The following KIAA0513 variants were observed in gnomAD, a reference collection of about 807,000 sequenced individuals.
KIAA0513 encodes KIAA0513, also known as uncharacterized protein KIAA0513.
Under a neutral mutation model 56.5 loss-of-function variants are expected in KIAA0513, and 39 were observed. The ratio of observed to expected loss-of-function variants is 0.69; its 90% CI spans 0.53 to 0.90. The LOEUF is 0.90. Ranked by LOEUF, KIAA0513 falls within the 40% of genes least tolerant of loss-of-function variation. KIAA0513 has a pLI of 0.00. For synonymous variants in KIAA0513, 268 were observed against 215.6 expected (o/e 1.24, Z -2.13); for missense variants, 591 against 535.2 (o/e 1.10, Z -1.03).
At chr16:85,086,847 A>C in intron 11 of KIAA0513, 123 bp downstream of exon 11, 4 of 960,482 alleles carry the variant, frequency 4.2e-6, no homozygotes, top group Non-Finnish European at 6.3e-6. Flanking sequence ...GGTTCATCAC[A>C]CTTGGCCTCC....
At chr16:85,039,159 T>A (rs1194192130) in intron 1 of KIAA0513, among the ~76,000 whole-genome samples, 1 of 152,178 alleles carries the variant, frequency 6.6e-6, no homozygotes, top group Non-Finnish European at 1.5e-5. Flanking sequence ...AACCCTCAAT[T>A]CTCCTGCTGC....
chr16:85,035,533 C>T (rs1465754227), intron 1 of KIAA0513, among the ~76,000 whole-genome samples: 2 of 152,200 alleles, frequency 1.3e-5, no homozygotes, highest in Non-Finnish European at 2.9e-5. Context: ...CTCAGTCGTC[C>T]AGGCTGGAGT....
At chr16:85,065,726 T>C (rs951677986) in intron 1 of KIAA0513, among the ~76,000 whole-genome samples, 11 of 152,142 alleles carry the variant, frequency 7.2e-5, no homozygotes, top group African/African-American at 2.7e-4. Flanking sequence ...GACAGGGCTG[T>C]GGTTAGAGGT....
chr16:85,081,273 G>C lies in KIAA0513; in HGVS notation c.903-42G>C, dbSNP rs201632176. 6.9e-6 allele frequency: 11 copies of C among 1,590,844 alleles called. No individual in the cohort carries two copies. Among genetic ancestry groups the C allele is most frequent in the Non-Finnish European group, 8.6e-6 (10 of 1,159,670 alleles). ...GGGGCCCACAACCCGTGTCCTCCCC[G>C]CCTCCCCTTGGAGAGAGTGTGACTG... On this transcript the variant is annotated intron_variant, in intron 8 of 12. Coordinates refer to ENST00000683363, the MANE Select transcript of KIAA0513 (RefSeq NM_001388359.1). The surrounding 1 kb of genome is among the most constrained non-coding windows in gnomAD (Gnocchi z 4.4).
intron 1 of KIAA0513, among the ~76,000 whole-genome samples, chr16:85,065,108 T>C (rs1301683674): frequency 1.3e-5 from 2 of 152,254 alleles, no homozygotes. Flanking sequence ...GTTCCTACTA[T>C]ATTTACTGTA....
At chr16:85,073,169 C>G (rs942890262) in intron 4 of KIAA0513, among the ~76,000 whole-genome samples, 171 bp downstream of exon 4, 1 of 152,188 alleles carries the variant, frequency 6.6e-6, no homozygotes, top group Non-Finnish European at 1.5e-5. Flanking sequence ...CAGTCGTGAC[C>G]TCCATCTCGC....
chr16:85,052,828 C>G (rs2073272986), intron 1 of KIAA0513, among the ~76,000 whole-genome samples: 1 of 152,154 alleles, frequency 6.6e-6, no homozygotes, highest in African/African-American at 2.4e-5. Context: ...CAAGCGCGCC[C>G]TCAAGCAGTG....
At chr16:85,037,751 T>C (rs989841777) in intron 1 of KIAA0513, among the ~76,000 whole-genome samples, 5 of 152,206 alleles carry the variant, frequency 3.3e-5, no homozygotes, top group Non-Finnish European at 7.3e-5. Context: ...AAGCAAGCGG[T>C]ATTCTACATA....
At chr16:85,079,350 G>A (rs1219340208) in intron 8 of KIAA0513, 3 of 264,740 alleles carry the variant, frequency 1.1e-5, no homozygotes, top group African/African-American at 2.1e-5. Flanking sequence ...ACAAATGTCT[G>A]TAGCAACGTC....
intron 4 of KIAA0513, 119 bp from the exon 5 acceptor site, chr16:85,075,725 T>C: frequency 1.2e-6 from 1 of 814,602 alleles, no homozygotes; most frequent in Non-Finnish European, 2.1e-6. Flanking sequence ...TTTGTGCATC[T>C]CCAGTGGGGA....
chr16:85,065,201 G>C (rs941491687), intron 1 of KIAA0513, among the ~76,000 whole-genome samples: 1 of 152,220 alleles, frequency 6.6e-6, no homozygotes, highest in Non-Finnish European at 1.5e-5. Flanking sequence ...TGGTGAGTGA[G>C]AATGCGCTTG....
chr16:85,072,778 T>G (rs1597631221), intron 3 of KIAA0513, 147 bp from the exon 4 acceptor site: 1 of 721,312 alleles, frequency 1.4e-6, no homozygotes. Flanking sequence ...GCAGAAGGGG[T>G]GGGTTCTATA....
Position 85,081,790 on chromosome 16 carries a change from T to C in KIAA0513, c.980+398T>C, listed in dbSNP as rs1439772280. On this transcript the variant is annotated intron_variant, in intron 9 of 12. Coordinates refer to ENST00000683363, the MANE Select transcript of KIAA0513 (RefSeq NM_001388359.1). The surrounding 1 kb of genome is among the most constrained non-coding windows in gnomAD (Gnocchi z 4.4). ...CATCCCCGAGACTGCCCTCGAGAGC[T>C]GGCGCCTGGGGAATGCAGTTGCCGC... Among the ~76,000 whole-genome samples, 7 of 152,128 alleles carry C rather than the reference T, an allele frequency of 4.6e-5. No individual in the cohort carries two copies. The highest frequency in any genetic ancestry group is 1.7e-4 in the African/African-American group (7 of 41,422).
At chr16:85,062,499 T>C (rs2073420641) in intron 1 of KIAA0513, among the ~76,000 whole-genome samples, 1 of 152,148 alleles carries the variant, frequency 6.6e-6, no homozygotes, top group East Asian at 1.9e-4. Context: ...CTATCTGCGG[T>C]GACACAGATT....
In KIAA0513 at chr16:85,076,115, G is replaced by T. The variant is rs568373711; in HGVS notation, c.574+201G>T. On this transcript the variant is annotated intron_variant, in intron 5 of 12. Coordinates refer to ENST00000683363, the MANE Select transcript of KIAA0513 (RefSeq NM_001388359.1). This position sits in a 1 kb window ranked among gnomAD's most constrained non-coding sequence, Gnocchi z 4.7. ...GCAGGAGGTTGACTGCCCAGGGTAC[G>T]AAGGAAACTCTCCTGGGGCAGTAGG... 6.6e-6 allele frequency among the ~76,000 whole-genome samples: 1 copy of T among 150,934 alleles called. No individual in the cohort carries two copies. The highest frequency in any genetic ancestry group is 1.5e-5 in the Non-Finnish European group (1 of 68,018).
chr16:85,038,261 G>A (rs189734520), intron 1 of KIAA0513, among the ~76,000 whole-genome samples: 5 of 152,296 alleles, frequency 3.3e-5, no homozygotes, highest in Non-Finnish European at 5.9e-5. Context: ...GGATCATAGT[G>A]ACCTCCCCGC....
At chr16:85,047,667 A>G (rs188122066) in intron 1 of KIAA0513, among the ~76,000 whole-genome samples, 361 of 152,272 alleles carry the variant, frequency 2.4e-3, no homozygotes, top group African/African-American at 8.0e-3. Flanking sequence ...GGCACCAGAG[A>G]GACAGGGAGA....
rs2073738335 is a variant in KIAA0513, at chr16:85,081,153, A to G, written c.903-162A>G. On this transcript the variant is annotated intron_variant, in intron 8 of 12. Transcript: ENST00000683363. This position sits in a 1 kb window ranked among gnomAD's most constrained non-coding sequence, Gnocchi z 4.4. ...CAGGGAAACAGCTGTAATTAGATCAAGCCATATGCTCAGTTTTTCCTTCTC... is the reference window on the plus strand; with the variant it reads ...CAGGGAAACAGCTGTAATTAGATCAGGCCATATGCTCAGTTTTTCCTTCTC... Among the ~76,000 whole-genome samples the G allele has an allele frequency of 6.6e-6, 1 of 152,196 alleles. No individual in the cohort carries two copies. The highest frequency in any genetic ancestry group is 6.5e-5 in the Admixed American group (1 of 15,284).
intron 1 of KIAA0513, among the ~76,000 whole-genome samples, chr16:85,038,997 A>G (rs901501801): frequency 2.1e-4 from 32 of 152,196 alleles, no homozygotes; most frequent in Non-Finnish European, 4.0e-4. Flanking sequence ...GATGATGGCT[A>G]TAGTATTTTT....
Sources: allele counts gnomAD v4.1 joint callset (sites outside exome capture counted in the v4.1 genomes callset), GRCh38; gene constraint gnomAD v4.1.1; non-coding constraint Gnocchi (gnomAD v3.1); transcripts MANE v1.5; gene names NCBI Gene and HGNC (gene_info 2026-07-23, HGNC 2026-07-21).